Variants in CNTN4 observed in about 807,000 individuals in gnomAD.
CNTN4 encodes contactin 4.
A neutral mutation model predicts 122.5 loss-of-function variants in CNTN4; 77 were observed. The ratio of observed to expected loss-of-function variants is 0.63; its 90% CI spans 0.52 to 0.76. The LOEUF (loss-of-function observed/expected upper bound fraction) is 0.76. Among genes scored for constraint, CNTN4 ranks in the 30% least tolerant of loss-of-function variants. The pLI is 0.00. For synonymous variants in CNTN4, 512 were observed against 447.0 expected (o/e 1.15, Z -1.83); for missense variants, 1,256 against 1,259.1 (o/e 1.00, Z 0.04).
At chr3:2,973,366 C>T (rs955006787) in intron 13 of CNTN4, among the ~76,000 whole-genome samples, 4 of 151,986 alleles carry the variant, frequency 2.6e-5, no homozygotes, top group African/African-American at 9.7e-5. Context: ...ATACAGCTGA[C>T]ACAACCTCGA....
At chr3:2,982,454 TC>T (rs1049286819) in intron 13 of CNTN4, among the ~76,000 whole-genome samples, 1 of 152,178 alleles carries the variant, frequency 6.6e-6, no homozygotes, top group Non-Finnish European at 1.5e-5. Flanking sequence ...AGAAATGGGC[TC>T]AAAAATGTCA....
At chr3:2,211,545 C>T (rs1226726496) in intron 2 of CNTN4, among the ~76,000 whole-genome samples, 1 of 151,908 alleles carries the variant, frequency 6.6e-6, no homozygotes, top group African/African-American at 2.4e-5. Context: ...TATAATAAAC[C>T]CCTTTTAAAA....
chr3:2,837,742 G>A (rs1559560962), intron 7 of CNTN4, among the ~76,000 whole-genome samples: 2 of 152,238 alleles, frequency 1.3e-5, no homozygotes, highest in East Asian at 3.9e-4. Context: ...GAAATGTGGT[G>A]TTTGTCACTA....
chr3:2,651,427 G>A (rs1463287452), intron 4 of CNTN4, among the ~76,000 whole-genome samples: 2 of 152,088 alleles, frequency 1.3e-5, no homozygotes, highest in African/African-American at 4.8e-5. Context: ...CATTTGGTTC[G>A]ATCAGATTCT....
At chr3:2,735,438 A>G (rs992426663) in intron 4 of CNTN4, among the ~76,000 whole-genome samples, 2 of 152,246 alleles carry the variant, frequency 1.3e-5, no homozygotes, top group African/African-American at 4.8e-5. Flanking sequence ...TCATGCATCC[A>G]GTTTCTCTTA....
intron 4 of CNTN4, among the ~76,000 whole-genome samples, chr3:2,725,100 C>CTGTT (rs1419953229): frequency 6.6e-6 from 1 of 152,176 alleles, no homozygotes; most frequent in Non-Finnish European, 1.5e-5. Context: ...ATGGGAGACA[C>CTGTT]TGTTCATTCA....
chr3:2,336,451 T>A (rs1384414383), intron 2 of CNTN4, among the ~76,000 whole-genome samples: 1 of 152,192 alleles, frequency 6.6e-6, no homozygotes, highest in Non-Finnish European at 1.5e-5. Flanking sequence ...AATTTGTAGG[T>A]TGTTAGCATT....
At chr3:2,233,687 A>G (rs935467146) in intron 2 of CNTN4, among the ~76,000 whole-genome samples, 5 of 152,132 alleles carry the variant, frequency 3.3e-5, no homozygotes, top group African/African-American at 9.7e-5. Context: ...GCAGCCGTAT[A>G]ATAGAATCAT....
intron 2 of CNTN4, among the ~76,000 whole-genome samples, chr3:2,313,057 GA>G (rs2042970652): frequency 6.6e-6 from 1 of 151,856 alleles, no homozygotes; most frequent in East Asian, 1.9e-4. Context: ...TGTTCAACTT[GA>G]AAAGTTAGAA....
intron 2 of CNTN4, among the ~76,000 whole-genome samples, chr3:2,176,063 C>A (rs974014804): frequency 5.9e-5 from 9 of 152,066 alleles, no homozygotes; most frequent in Non-Finnish European, 8.8e-5. Context: ...AGAAATGATT[C>A]TTTTTATATG....
chr3:2,979,150 G>C (rs561331184), intron 13 of CNTN4, among the ~76,000 whole-genome samples: 2 of 152,270 alleles, frequency 1.3e-5, no homozygotes, highest in East Asian at 3.9e-4. Context: ...AAACTTACCA[G>C]GTGGGAAGGA....
At chr3:2,609,672 T>A (rs1023619136) in intron 4 of CNTN4, among the ~76,000 whole-genome samples, 1 of 152,196 alleles carries the variant, frequency 6.6e-6, no homozygotes, top group Non-Finnish European at 1.5e-5. Context: ...TGAACTTCTA[T>A]AAAGAAAATA....
intron 4 of CNTN4, among the ~76,000 whole-genome samples, chr3:2,718,488 GT>G (rs1400996797): frequency 6.6e-6 from 1 of 152,082 alleles, no homozygotes; most frequent in Non-Finnish European, 1.5e-5. Flanking sequence ...GATCCCAAAG[GT>G]TTGATAAAGA....
intron 2 of CNTN4, among the ~76,000 whole-genome samples, chr3:2,314,902 A>G (rs2043040832): frequency 6.6e-6 from 1 of 152,086 alleles, no homozygotes; most frequent in Non-Finnish European, 1.5e-5. Context: ...GTGTTAATCA[A>G]TGAACTGTTC....
At chr3:2,552,807 T>C (rs1433310199) in intron 3 of CNTN4, among the ~76,000 whole-genome samples, 1 of 152,088 alleles carries the variant, frequency 6.6e-6, no homozygotes, top group African/African-American at 2.4e-5. Context: ...TGGAACATGG[T>C]TGGATGTCAG....
intron 16 of CNTN4, among the ~76,000 whole-genome samples, chr3:3,032,395 A>G (rs2125686938): frequency 6.6e-6 from 1 of 152,392 alleles, no homozygotes; most frequent in South Asian, 2.1e-4. Flanking sequence ...TGTATACTTC[A>G]TTTCACAGAA....
At chr3:2,775,607 G>T (rs2091284892) in intron 6 of CNTN4, among the ~76,000 whole-genome samples, 1 of 152,070 alleles carries the variant, frequency 6.6e-6, no homozygotes, top group Non-Finnish European at 1.5e-5. Context: ...TTTTAATAGA[G>T]ATGGGATTTT....
chr3:2,232,937 C>G (rs889918521), intron 2 of CNTN4, among the ~76,000 whole-genome samples: 2 of 152,068 alleles, frequency 1.3e-5, no homozygotes, highest in African/African-American at 2.4e-5. Flanking sequence ...GTTTTTGACC[C>G]AGGAAGACAG....
intron 3 of CNTN4, among the ~76,000 whole-genome samples, chr3:2,553,248 T>A (rs1369183882): frequency 1.3e-5 from 2 of 152,180 alleles, no homozygotes; most frequent in Non-Finnish European, 2.9e-5. Flanking sequence ...AACTGAAACC[T>A]CCCATGAGAA....
Sources: gnomAD v4.1 joint callset for allele counts (sites outside exome capture counted in the v4.1 genomes callset) on GRCh38, gnomAD v4.1.1 for gene constraint, MANE v1.5 for transcripts, NCBI Gene and HGNC (gene_info 2026-07-23, HGNC 2026-07-21) for gene names.